Variants in NAV2 observed in about 807,000 individuals in gnomAD.
The protein encoded by NAV2 is neuron navigator 2.
In NAV2, 54 loss-of-function variants were observed where a neutral mutation model predicts 223.2. That is an observed-to-expected ratio of 0.24 (90% CI 0.19 to 0.30). NAV2 has a LOEUF of 0.30. Among genes scored for constraint, NAV2 ranks in the 10% least tolerant of loss-of-function variants. The pLI, the probability that NAV2 is intolerant of heterozygous loss-of-function variation, is 1.00. For missense variants in NAV2, 2,806 were observed against 3,147.5 expected (o/e 0.89, Z 2.60); for synonymous variants, 1,279 against 1,239.3 (o/e 1.03, Z -0.67).
At chr11:19,949,180 A>T (rs922955727) in intron 10 of NAV2, 100 bp downstream of exon 10, 11 of 1,307,434 alleles carry the variant, frequency 8.4e-6, no homozygotes, top group Admixed American at 5.5e-5. Flanking sequence ...AGGAGGTCAA[A>T]CTGCCCACCT....
chr11:19,573,505 C>G (rs537049112), intron 1 of NAV2, among the ~76,000 whole-genome samples: 2 of 152,062 alleles, frequency 1.3e-5, no homozygotes, highest in Non-Finnish European at 1.5e-5. Context: ...GATTTCCTGG[C>G]GGGTTCTGAT....
Position 20,089,008 on chromosome 11 carries a change from G to GA in NAV2, c.5499-1844dup, listed in dbSNP as rs537438499. Among the ~76,000 whole-genome samples, 477 of 126,150 alleles carry GA rather than the reference G, an allele frequency of 3.8e-3. 1 individual carries two copies. Among genetic ancestry groups the GA allele is most frequent in the Non-Finnish European group, 4.3e-3 (251 of 58,044 alleles). The allele number at this position is 126,150 out of a possible 152,430, so 82.8% of individuals were successfully genotyped here. On this transcript the variant is annotated intron_variant, in intron 26 of 37. Transcript: ENST00000349880. ...CCTCCTGCAAACCTCCCAAACCGAA[G>GA]AAAAAAAAAAAAAGCATGGTTCTAT...
intron 6 of NAV2, among the ~76,000 whole-genome samples, chr11:19,913,941 G>A (rs766079548): frequency 1.3e-5 from 2 of 152,166 alleles, no homozygotes; most frequent in East Asian, 1.9e-4. Context: ...GGCTTGATCC[G>A]TGGAAACTGC....
At chr11:19,804,895 T>C (rs2058464927) in intron 1 of NAV2, among the ~76,000 whole-genome samples, 1 of 152,178 alleles carries the variant, frequency 6.6e-6, no homozygotes, top group South Asian at 2.1e-4. Context: ...ATGAAGACTG[T>C]GCATTCCCAC....
rs1349215171 is a variant in NAV2, at chr11:19,943,950, C to A, written c.2147-2451C>A. On this transcript the variant is annotated intron_variant, in intron 8 of 37. Coordinates refer to ENST00000349880, the MANE Select transcript of NAV2 (RefSeq NM_145117.5). ...TGGTGGCTCACGCCTGTAATCCCAGCACTTTGGGAAGCCGAGGTGGGTGGA... is the reference window on the plus strand; with the variant it reads ...TGGTGGCTCACGCCTGTAATCCCAGAACTTTGGGAAGCCGAGGTGGGTGGA... Among the ~76,000 whole-genome samples the A allele has an allele frequency of 3.9e-5, 6 of 152,084 alleles. No homozygotes were observed. The East Asian group carries it at 1.2e-3, about 29-fold the overall frequency.
At chr11:19,443,012 C>T (rs565404427) in intron 1 of NAV2, among the ~76,000 whole-genome samples, 1 of 152,296 alleles carries the variant, frequency 6.6e-6, no homozygotes, top group East Asian at 1.9e-4. Flanking sequence ...CTGAAACACC[C>T]ACATTTAGAT....
At position 19,675,798 on chromosome 11, in the gene NAV2, T is replaced by C. The variant is rs985528851; in HGVS notation, c.76-156686T>C. ...GTTGCTCAAGTCCCCTCGAAACTAA[T>C]TGATATTTGTACAGCAATTGGTAAT... On this transcript the variant is annotated intron_variant, in intron 1 of 37. Transcript: ENST00000360655. 5.3e-5 allele frequency among the ~76,000 whole-genome samples: 8 copies of C among 152,212 alleles called. No homozygotes were observed. The East Asian group carries it at 1.2e-3, about 22-fold the overall frequency.
intron 1 of NAV2, among the ~76,000 whole-genome samples, chr11:19,636,911 T>A (rs1018644322): frequency 1.3e-5 from 2 of 151,996 alleles, no homozygotes; most frequent in Non-Finnish European, 2.9e-5. Context: ...AATGTGATAA[T>A]GAGTTTCCTC....
intron 1 of NAV2, among the ~76,000 whole-genome samples, chr11:19,392,383 A>T (rs115197946): frequency 1.3e-5 from 2 of 149,954 alleles, no homozygotes; most frequent in Non-Finnish European, 3.0e-5. Context: ...CAGCAGGGTG[A>T]TTTTTTTTTT....
chr11:19,843,806 C>T (rs2060636391), intron 3 of NAV2, among the ~76,000 whole-genome samples: 1 of 151,512 alleles, frequency 6.6e-6, no homozygotes, highest in African/African-American at 2.4e-5. Flanking sequence ...CCCCATCCTA[C>T]CTCCTTTGAG....
chr11:19,892,512 C>T lies in NAV2; in HGVS notation c.849C>T (p.Asn283=), dbSNP rs1286195735. The T allele has an allele frequency of 2.5e-6, 4 of 1,614,234 alleles. No homozygotes were observed. In the Admixed American group the frequency reaches 5.0e-5, roughly 20 times the overall value. ...GCGGAGGGTCAACTACTGCTAACAA[C>T]CGACGCAGCCAGAGCTTTAACAACT... ...KTRGGSTTAN[N]RRSQSFNNYD... The change falls in exon 6 of 38, where the codon AAC becomes AAT. Residue 283 remains asparagine (N), a synonymous_variant. Coordinates refer to ENST00000349880, the MANE Select transcript of NAV2 (RefSeq NM_145117.5).
chr11:19,520,292 G>A (rs939963871), intron 1 of NAV2, among the ~76,000 whole-genome samples: 5 of 152,250 alleles, frequency 3.3e-5, no homozygotes, highest in Admixed American at 6.5e-5. Context: ...TTTCAGGCAC[G>A]CACGGCCAGC....
chr11:19,921,939 T>G (rs753413580), intron 6 of NAV2, among the ~76,000 whole-genome samples: 1 of 152,230 alleles, frequency 6.6e-6, no homozygotes, highest in African/African-American at 2.4e-5. Context: ...TATGTGTGTG[T>G]GTGTGGGTAT....
At chr11:19,398,862 C>A (rs543457504) in intron 1 of NAV2, among the ~76,000 whole-genome samples, 46 of 152,312 alleles carry the variant, frequency 3.0e-4, no homozygotes, top group African/African-American at 9.6e-4. Context: ...CATTTTTGGA[C>A]GCAGCCTCAG....
At chr11:19,407,395 A>T (rs1849945214) in intron 1 of NAV2, among the ~76,000 whole-genome samples, 1 of 152,206 alleles carries the variant, frequency 6.6e-6, no homozygotes, top group African/African-American at 2.4e-5. Flanking sequence ...ATCTCAGCTG[A>T]GACACAAAGG....
intron 1 of NAV2, among the ~76,000 whole-genome samples, chr11:19,543,433 G>A (rs1027810826): frequency 6.6e-6 from 1 of 152,152 alleles, no homozygotes; most frequent in Non-Finnish European, 1.5e-5. Flanking sequence ...TGGGCTTTTT[G>A]TGTTTGTTTG....
intron 10 of NAV2, among the ~76,000 whole-genome samples, chr11:19,965,664 T>C (rs538737541): frequency 6.6e-5 from 10 of 152,354 alleles, no homozygotes; most frequent in Admixed American, 5.2e-4. Context: ...ATTCTCTGCT[T>C]ACATTCCTCA....
Position 19,877,674 on chromosome 11 carries a change from G to C in NAV2, c.512-2195G>C, listed in dbSNP as rs181700586. 1.4e-4 allele frequency among the ~76,000 whole-genome samples: 22 copies of C among 151,752 alleles called. No individual in the cohort carries two copies. In the East Asian group the frequency reaches 4.1e-3, roughly 28 times the overall value. ...TTTTTAGTAGAGATGGGGTTTCACC[G>C]TGTTAGCCAGGATGGTCTCAATCTC... On this transcript the variant is annotated intron_variant, in intron 4 of 37. Coordinates refer to ENST00000349880, the MANE Select transcript of NAV2 (RefSeq NM_145117.5).
At chr11:19,393,906 C>CTTTT (rs5790073) in intron 1 of NAV2, among the ~76,000 whole-genome samples, 36,622 of 135,498 alleles carry the variant, frequency 0.27, 5,551 homozygotes, top group East Asian at 0.42. Flanking sequence ...TTTTTTTTTT[C>CTTTT]TTTTTTTTTT....
Sources: gnomAD v4.1 joint callset for allele counts (sites outside exome capture counted in the v4.1 genomes callset) on GRCh38, gnomAD v4.1.1 for gene constraint, MANE v1.5 for transcripts, NCBI Gene and HGNC (gene_info 2026-07-23, HGNC 2026-07-21) for gene names.